SLCO1B3: variants seen among roughly 807,000 people sequenced by gnomAD.
SLCO1B3 encodes the protein liver-specific organic anion transporter 2.
In SLCO1B3, 72 loss-of-function variants were observed where a neutral mutation model predicts 71.8. That is an observed-to-expected ratio of 1.00 (90% CI 0.83 to 1.22). The LOEUF (loss-of-function observed/expected upper bound fraction) is 1.22. Among genes scored for constraint, SLCO1B3 ranks in the 50% most tolerant of loss-of-function variants. The pLI, the probability that SLCO1B3 is intolerant of heterozygous loss-of-function variation, is 0.00. For synonymous variants in SLCO1B3, 298 were observed against 278.4 expected, an observed-to-expected ratio of 1.07 and a Z score of -0.70; for missense variants, 911 against 819.7, an observed-to-expected ratio of 1.11 and a Z score of -1.36.
intron 3 of SLCO1B3, among the ~76,000 whole-genome samples, chr12:20,846,912 G>T (rs568320478): frequency 1.3e-4 from 20 of 152,228 alleles, no homozygotes; most frequent in African/African-American, 4.1e-4. Context: ...CTCGATGCCA[G>T]TTGTCTCTTC....
intron 13 of SLCO1B3, among the ~76,000 whole-genome samples, chr12:20,892,219 G>GT (rs1865919426): frequency 6.6e-6 from 1 of 151,952 alleles, no homozygotes; most frequent in Non-Finnish European, 1.5e-5. Context: ...TTTGAATTAG[G>GT]TTTTTTCCAT....
At chr12:20,828,449 G>T (rs1014761128) in intron 3 of SLCO1B3, among the ~76,000 whole-genome samples, 2 of 152,064 alleles carry the variant, frequency 1.3e-5, no homozygotes, top group African/African-American at 4.8e-5. Flanking sequence ...TTTTCTTAAG[G>T]AATCCCAGGC....
intron 12 of SLCO1B3, 21 bp downstream of exon 12, chr12:20,881,041 T>C: frequency 1.3e-6 from 2 of 1,537,182 alleles, no homozygotes; most frequent in South Asian, 2.4e-5. Context: ...GTTTTCACTT[T>C]TTCTCCTCTC....
At chr12:20,852,224 C>T (rs1865039639) in intron 3 of SLCO1B3, among the ~76,000 whole-genome samples, 1 of 152,068 alleles carries the variant, frequency 6.6e-6, no homozygotes, top group African/African-American at 2.4e-5. Context: ...CCTGTATCCC[C>T]AGGGCTTTGG....
chr12:20,811,905 AT>A (rs11292391), intron 1 of SLCO1B3, among the ~76,000 whole-genome samples: 63,288 of 114,298 alleles, frequency 0.55, 15,984 homozygotes, highest in East Asian at 0.76. Flanking sequence ...TACTTGATAC[AT>A]TTTTTTTTTT....
rs374511692 is a variant in SLCO1B3, at chr12:20,860,011, A to G, written c.360-1006A>G. Among the ~76,000 whole-genome samples the G allele has an allele frequency of 9.9e-4, 137 of 138,426 alleles. 3 individuals carry two copies. The South Asian group carries it at 0.029, about 29-fold the overall frequency. The allele number at this position is 138,426 out of a possible 152,430, so 90.8% of individuals were successfully genotyped here. A position where few individuals can be genotyped will look rare whatever the true frequency, so the allele number is the denominator to read the frequency against. ...TCGCTAGTCGCCCAGGCTGGAGTGC[A>G]GTGGCGCGATCTCGGCTCACTGCAA... On this transcript the variant is annotated intron_variant, in intron 5 of 15. Coordinates refer to ENST00000381545, the MANE Select transcript of SLCO1B3 (RefSeq NM_019844.4).
intron 3 of SLCO1B3, among the ~76,000 whole-genome samples, chr12:20,830,481 T>C (rs1044948807): frequency 1.2e-4 from 18 of 152,168 alleles, no homozygotes; most frequent in African/African-American, 4.3e-4. Flanking sequence ...TAGTCAAGTA[T>C]GTATGCATCT....
chr12:20,854,398 T>C (rs546633229), intron 3 of SLCO1B3, among the ~76,000 whole-genome samples: 34 of 152,184 alleles, frequency 2.2e-4, no homozygotes, highest in Non-Finnish European at 3.7e-4. Context: ...TGCAGATCTA[T>C]TTATAATTGT....
At chr12:20,821,552 TG>T (rs200249036) in intron 3 of SLCO1B3, among the ~76,000 whole-genome samples, 22,727 of 151,952 alleles carry the variant, frequency 0.15, 1,908 homozygotes, top group African/African-American at 0.23. Context: ...GAGAAAGGGT[TG>T]GGGCACGGAA....
At chr12:20,875,980 G>C (rs767453968) in intron 9 of SLCO1B3, among the ~76,000 whole-genome samples, 1 of 151,716 alleles carries the variant, frequency 6.6e-6, no homozygotes, top group African/African-American at 2.4e-5. Flanking sequence ...GTGTAGAGAT[G>C]AAATAAGGAG....
chr12:20,855,498 C>G (rs4149110), intron 4 of SLCO1B3, among the ~76,000 whole-genome samples: 110,051 of 151,860 alleles, frequency 0.72, 42,459 homozygotes, highest in South Asian at 0.9. Context: ...TGCAAATTAA[C>G]TTTTTAGGAA....
At chr12:20,858,009 C>A (rs2121236131) in intron 4 of SLCO1B3, among the ~76,000 whole-genome samples, 1 of 152,140 alleles carries the variant, frequency 6.6e-6, no homozygotes. Flanking sequence ...TTCTAGAGAA[C>A]AAGTACCACG....
At chr12:20,855,843 C>CA (rs1865123843) in intron 4 of SLCO1B3, among the ~76,000 whole-genome samples, 1 of 151,524 alleles carries the variant, frequency 6.6e-6, no homozygotes, top group South Asian at 2.1e-4. Context: ...AAACTGCTAG[C>CA]TTATAGCCTC....
At chr12:20,846,367 T>C (rs554791350) in intron 3 of SLCO1B3, among the ~76,000 whole-genome samples, 6 of 152,248 alleles carry the variant, frequency 3.9e-5, no homozygotes, top group African/African-American at 1.2e-4. Flanking sequence ...TGTTATTCTT[T>C]AGTTAGTTAG....
chr12:20,910,194 C>A (rs1450551636), intron 15 of SLCO1B3, among the ~76,000 whole-genome samples: 1 of 152,150 alleles, frequency 6.6e-6, no homozygotes, highest in Non-Finnish European at 1.5e-5. Context: ...GTTCCAGCAC[C>A]ATTTGTTGCA....
At position 20,860,129 on chromosome 12, in the gene SLCO1B3, G is replaced by A. The variant is rs570335877; in HGVS notation, c.360-888G>A. The stretch of plus-strand genomic sequence containing the variant: ...TGCCACCACGCCCGGCTAATTTTTT[G>A]TATTTTTAGTAGAGACGGGGTTTCA... On this transcript the variant is annotated intron_variant, in intron 5 of 15. Coordinates refer to ENST00000381545, the MANE Select transcript of SLCO1B3 (RefSeq NM_019844.4). 2.0e-3 allele frequency among the ~76,000 whole-genome samples: 310 copies of A among 151,880 alleles called. 1 individual carries two copies. Among genetic ancestry groups the A allele is most frequent in the African/African-American group, 7.1e-3 (296 of 41,470 alleles).
chr12:20,812,586 T>C (rs1864128078), intron 1 of SLCO1B3, among the ~76,000 whole-genome samples: 1 of 152,130 alleles, frequency 6.6e-6, no homozygotes, highest in Non-Finnish European at 1.5e-5. Context: ...TATTGGGAAA[T>C]GGGACTAAAA....
intron 15 of SLCO1B3, among the ~76,000 whole-genome samples, chr12:20,907,535 G>A (rs1866275611): frequency 8.3e-6 from 1 of 120,026 alleles, no homozygotes; most frequent in South Asian, 3.0e-4. Context: ...TTGAGACGCA[G>A]CCCCACTCTG....
intron 4 of SLCO1B3, among the ~76,000 whole-genome samples, chr12:20,857,894 G>T (rs1865173749): frequency 6.6e-6 from 1 of 151,996 alleles, no homozygotes; most frequent in Admixed American, 6.6e-5. Flanking sequence ...CTCAAATAAT[G>T]TATCCTCCAG....
Sources: allele counts gnomAD v4.1 joint callset (sites outside exome capture counted in the v4.1 genomes callset), GRCh38; gene constraint gnomAD v4.1.1; transcripts MANE v1.5; gene names NCBI Gene and HGNC (gene_info 2026-07-23, HGNC 2026-07-21).